Variants in MRPL47 observed in about 807,000 individuals in gnomAD.
The protein encoded by MRPL47 is mitochondrial ribosomal protein L47, also known as large ribosomal subunit protein uL29m.
Under a neutral mutation model 34.0 loss-of-function variants are expected in MRPL47, and 31 were observed. The ratio of observed to expected loss-of-function variants is 0.91; its 90% CI spans 0.68 to 1.23. MRPL47 has a LOEUF of 1.23. Ranked by LOEUF, MRPL47 falls within the 50% of genes most tolerant of loss-of-function variation. MRPL47 has a pLI of 0.00. For missense variants in MRPL47, 328 were observed against 285.8 expected (o/e 1.15, Z -1.07); for synonymous variants, 106 against 101.6 (o/e 1.04, Z -0.26).
chr3:179,601,822 T>C, intron 2 of MRPL47, 32 bp from the exon 3 acceptor site: 2 of 1,528,654 alleles, frequency 1.3e-6, no homozygotes, highest in Non-Finnish European at 1.8e-6. Context: ...TGAAATAACA[T>C]TTCTAGCCAT....
At chr3:179,599,344 G>C (rs1245160763) in intron 3 of MRPL47, among the ~76,000 whole-genome samples, 1 of 152,212 alleles carries the variant, frequency 6.6e-6, no homozygotes, top group Non-Finnish European at 1.5e-5. Flanking sequence ...CTTACATTCT[G>C]AGTGGAGAGT....
chr3:179,595,249 T>C (rs901408768), intron 4 of MRPL47, among the ~76,000 whole-genome samples: 2 of 152,096 alleles, frequency 1.3e-5, no homozygotes, highest in Non-Finnish European at 1.5e-5. Flanking sequence ...GGTTTTGCCA[T>C]GTAGCCCAGG....
At chr3:179,600,557 G>T (rs1718903858) in intron 3 of MRPL47, among the ~76,000 whole-genome samples, 1 of 152,154 alleles carries the variant, frequency 6.6e-6, no homozygotes, top group African/African-American at 2.4e-5. Context: ...CATGAGAATT[G>T]CTTGAACCTG....
At chr3:179,590,613 A>G (rs1388124923) in intron 6 of MRPL47, among the ~76,000 whole-genome samples, 1 of 152,118 alleles carries the variant, frequency 6.6e-6, no homozygotes, top group Non-Finnish European at 1.5e-5. Flanking sequence ...TAAGACTTGC[A>G]GGAATACTGG....
chr3:179,589,225 T>C (rs1718606739), intron 6 of MRPL47, among the ~76,000 whole-genome samples: 1 of 152,194 alleles, frequency 6.6e-6, no homozygotes, highest in Non-Finnish European at 1.5e-5. Context: ...AGAAAGAATG[T>C]CCAGATATTA....
At chr3:179,593,661 A>C in intron 5 of MRPL47, 104 bp downstream of exon 5, 1 of 1,027,156 alleles carries the variant, frequency 9.7e-7, no homozygotes, top group Non-Finnish European at 1.4e-6. Context: ...TATCTCTAAT[A>C]TTATCTCATA....
chr3:179,594,926 T>A (rs180906112), intron 4 of MRPL47, among the ~76,000 whole-genome samples: 56 of 152,340 alleles, frequency 3.7e-4, no homozygotes, highest in African/African-American at 1.1e-3. Context: ...AAATACTGCA[T>A]AAGCACATTT....
In MRPL47 at chr3:179,602,673, C is replaced by G; in HGVS notation, c.223G>C (p.Gly75Arg). The G allele has an allele frequency of 6.2e-7, 1 of 1,611,480 alleles. No homozygotes were observed. The highest frequency in any genetic ancestry group is 8.5e-7 in the Non-Finnish European group (1 of 1,179,236). Reference protein sequence around the residue: ...EEFFDDPKNWGQEKVKSGAAW... With the variant: ...EEFFDDPKNWRQEKVKSGAAW... Reference sequence around the variant, plus strand: ...TCACCAGATTTTACTTTTTCTTGCCCCCAGTTTTTTGGGTCATCAAAAAAT... The same window carrying G: ...TCACCAGATTTTACTTTTTCTTGCCGCCAGTTTTTTGGGTCATCAAAAAAT... Residue 75 changes from glycine to arginine, a missense_variant, in exon 2 of 7, where the codon GGG becomes CGG. By Grantham distance (125) the Gly-to-Arg change is moderately radical. Coordinates refer to ENST00000476781, the MANE Select transcript of MRPL47 (RefSeq NM_020409.3).
At chr3:179,592,550 A>C in intron 6 of MRPL47, 94 bp downstream of exon 6, 1 of 731,758 alleles carries the variant, frequency 1.4e-6, no homozygotes, top group Non-Finnish European at 2.3e-6. Context: ...ATTTAAAGAC[A>C]GCTTAAGCTT....
chr3:179,601,394 G>C (rs763335270), intron 3 of MRPL47, among the ~76,000 whole-genome samples: 2 of 152,116 alleles, frequency 1.3e-5, no homozygotes, highest in Non-Finnish European at 2.9e-5. Flanking sequence ...GCAACAGAGC[G>C]AGACCTTGTC....
chr3:179,588,756 A>AT lies in MRPL47; in HGVS notation c.*115dup, dbSNP rs1401038073. The AT allele has an allele frequency of 3.0e-6, 3 of 991,934 alleles. No individual in the cohort carries two copies. The highest frequency in any genetic ancestry group is 4.4e-6 in the Non-Finnish European group (3 of 681,050). The allele number at this position is 991,934 out of a possible 1,614,324, so 61.4% of individuals were successfully genotyped here. On this transcript the variant is annotated 3_prime_UTR_variant, in exon 7 of 7. Transcript: ENST00000476781. ...GCCATATTCACACTTAGAACAACTG[A>AT]TTAGTAAAGTCACTTGACTAAAAAC... is the stretch of plus-strand genomic sequence containing the variant.
rs926681280 is a variant in MRPL47, at chr3:179,598,788, A to G, written c.306-17T>C. ...AAGACATACCTATACAAAAGAACAC[A>G]AACCTTGTGATGCTATTCTGTGGTT... On this transcript the variant is annotated splice_polypyrimidine_tract_variant and intron_variant, in intron 3 of 6. Coordinates refer to ENST00000476781, the MANE Select transcript of MRPL47 (RefSeq NM_020409.3). 5.4e-6 allele frequency: 8 copies of G among 1,482,328 alleles called. No homozygotes were observed. In the South Asian group the frequency reaches 9.1e-5, roughly 17 times the overall value. 91.8% of individuals were successfully genotyped at this position (1,482,328 alleles called of 1,614,324 possible).
At chr3:179,591,574 G>A (rs1053876241) in intron 6 of MRPL47, among the ~76,000 whole-genome samples, 3 of 152,098 alleles carry the variant, frequency 2.0e-5, no homozygotes, top group Non-Finnish European at 2.9e-5. Flanking sequence ...GGAAAAATGT[G>A]CTAAAGGAAA....
chr3:179,599,638 T>C (rs904542960), intron 3 of MRPL47, among the ~76,000 whole-genome samples: 4 of 152,164 alleles, frequency 2.6e-5, no homozygotes, highest in East Asian at 1.9e-4. Flanking sequence ...TGTGGGATAA[T>C]AAGTGGGACA....
Position 179,593,756 on chromosome 3 carries a change from A to G in MRPL47, c.533+9T>C. 2 of 1,609,964 alleles carry G rather than the reference A, an allele frequency of 1.2e-6. No individual in the cohort carries two copies. Among genetic ancestry groups the G allele is most frequent in the Non-Finnish European group, 1.7e-6 (2 of 1,178,558 alleles). ...TCATCTTAGAAGAGCCACAGTGTTA[A>G]CTACATACCAGATGATTCTTCCAAA... On this transcript the variant is annotated intron_variant, in intron 5 of 6. Coordinates refer to ENST00000476781, the MANE Select transcript of MRPL47 (RefSeq NM_020409.3).
At chr3:179,589,902 A>C (rs1718629991) in intron 6 of MRPL47, among the ~76,000 whole-genome samples, 1 of 152,206 alleles carries the variant, frequency 6.6e-6, no homozygotes, top group Non-Finnish European at 1.5e-5. Flanking sequence ...TGAAAGAATA[A>C]AGGTTTGCTA....
At chr3:179,589,422 G>A (rs1177102914) in intron 6 of MRPL47, among the ~76,000 whole-genome samples, 1 of 152,170 alleles carries the variant, frequency 6.6e-6, no homozygotes, top group African/African-American at 2.4e-5. Context: ...GCTCTGGCTA[G>A]ACTTACTATT....
In MRPL47 at chr3:179,593,115, G is replaced by A. The variant is rs920667856; in HGVS notation, c.534-376C>T. On this transcript the variant is annotated intron_variant, in intron 5 of 6. Coordinates refer to ENST00000476781, the MANE Select transcript of MRPL47 (RefSeq NM_020409.3). ...CTTTGGGTTGAACAGCCTCCCCACC[G>A]AAGGAGGTTTATTTACACCAGGTCT... Among the ~76,000 whole-genome samples the A allele has an allele frequency of 7.9e-5, 12 of 152,226 alleles. 1 individual carries two copies. Among genetic ancestry groups the A allele is most frequent in the African/African-American group, 2.2e-4 (9 of 41,552 alleles).
chr3:179,602,201 G>A (rs1454788146), intron 2 of MRPL47, among the ~76,000 whole-genome samples: 2 of 152,044 alleles, frequency 1.3e-5, no homozygotes, highest in African/African-American at 2.4e-5. Context: ...AAAATTAGCC[G>A]GGCGTGGTGG....
Sources: allele counts gnomAD v4.1 joint callset (sites outside exome capture counted in the v4.1 genomes callset), GRCh38; gene constraint gnomAD v4.1.1; transcripts MANE v1.5; gene names NCBI Gene and HGNC (gene_info 2026-07-23, HGNC 2026-07-21).